Variants in TRIP11 observed in about 807,000 individuals in gnomAD.
TRIP11 encodes the protein thyroid hormone receptor interactor 11.
In TRIP11, 148 loss-of-function variants were observed where a neutral mutation model predicts 223.1. The observed-to-expected ratio is 0.66, with a 90% CI of 0.58 to 0.76. TRIP11 has a LOEUF of 0.76. TRIP11 is among the 30% of genes least tolerant of loss of function. The pLI is 0.00. For missense variants in TRIP11, 2,043 were observed against 2,222.0 expected (o/e 0.92, Z 1.62); for synonymous variants, 762 against 772.6 (o/e 0.99, Z 0.23).
Position 92,000,096 on chromosome 14 carries a change from CT to C in TRIP11, c.4569del (p.Glu1524SerfsTer2). On this transcript the variant is annotated frameshift_variant, in exon 12 of 21. Coordinates refer to ENST00000267622, the MANE Select transcript of TRIP11 (RefSeq NM_004239.4). LOFTEE classifies it high-confidence loss of function. ...ACTGCATTTAAAAGCTGATTTAACT[CT>C]CCAGTCTTGCCCTTTTGGAAAGAAA... ...LLKEKEQGKT[G>X]ELNQLLNAVK... 1 of 1,613,888 alleles carries C rather than the reference CT, an allele frequency of 6.2e-7. No homozygotes were observed. Among genetic ancestry groups the C allele is most frequent in the Non-Finnish European group, 8.5e-7 (1 of 1,179,934 alleles).
In TRIP11 at chr14:91,995,398, A is replaced by G. The variant is rs149334552; in HGVS notation, c.5010T>C (p.Ala1670=). The change falls in exon 14 of 21, where the codon GCT becomes GCC. Residue 1670 remains alanine, a synonymous_variant. Coordinates refer to ENST00000267622, the MANE Select transcript of TRIP11 (RefSeq NM_004239.4). Reference sequence around the variant, plus strand: ...CCATCTGCAGGTTGGCCAGTGACAGAGCATACTGCTTTACTTGTTCCTGAG... The same window carrying G: ...CCATCTGCAGGTTGGCCAGTGACAGGGCATACTGCTTTACTTGTTCCTGAG... ...SVSQEQVKQY[A]LSLANLQMVL... 1.7e-4 allele frequency: 273 copies of G among 1,614,088 alleles called. 2 individuals are homozygous for G. In the African/African-American group the frequency reaches 3.2e-3, roughly 19 times the overall value.
Position 92,037,914 on chromosome 14 carries a change from G to T in TRIP11, c.139+1633C>A, listed in dbSNP as rs1361300151. On this transcript the variant is annotated intron_variant, in intron 1 of 20. Coordinates refer to ENST00000267622, the MANE Select transcript of TRIP11 (RefSeq NM_004239.4). This position sits in a 1 kb window ranked among gnomAD's most constrained non-coding sequence, Gnocchi z 4.2. ...GGATTTTATTCTGTAACAGGGTCAA[G>T]AAATTTTTACGCAGGTTTGTTTTTA... Among the ~76,000 whole-genome samples, 2 of 152,154 alleles carry T rather than the reference G, an allele frequency of 1.3e-5. No homozygotes were observed. The highest frequency in any genetic ancestry group is 3.9e-4 in the East Asian group (2 of 5,192).
At position 92,001,767 on chromosome 14, in the gene TRIP11, T is replaced by C. The variant is rs144966613; in HGVS notation, c.4557+1652A>G. On this transcript the variant is annotated intron_variant, in intron 11 of 20. Coordinates refer to ENST00000267622, the MANE Select transcript of TRIP11 (RefSeq NM_004239.4). ...ACTTTATTCCTCTGTTCTACTCTTA[T>C]AACCTTAAGAAGCTAGAGCCAATTT... is the stretch of plus-strand genomic sequence containing the variant. 3.8e-3 allele frequency among the ~76,000 whole-genome samples: 574 copies of C among 152,332 alleles called. 4 individuals carry two copies. Among genetic ancestry groups the C allele is most frequent in the Admixed American group, 6.3e-3 (97 of 15,298 alleles).
Position 91,968,392 on chromosome 14 carries a change from A to C in TRIP11, c.*1281T>G, listed in dbSNP as rs545076255. On this transcript the variant is annotated 3_prime_UTR_variant, in exon 21 of 21. Coordinates refer to ENST00000267622, the MANE Select transcript of TRIP11 (RefSeq NM_004239.4). ...AGAAATACTTTCTTAAGTTTCAAAC[A>C]TCTGGGTACTGGTGCTATCAAAGTG... is the stretch of plus-strand genomic sequence containing the variant. 4.8e-6 allele frequency: 1 copy of C among 207,132 alleles called. No individual in the cohort carries two copies. Among genetic ancestry groups the C allele is most frequent in the Non-Finnish European group, 9.8e-6 (1 of 101,760 alleles). 12.8% of individuals were successfully genotyped at this position (207,132 alleles called of 1,614,324 possible).
At chr14:92,039,485 G>C (rs1173516733) in intron 1 of TRIP11, 62 bp downstream of exon 1, 30 of 1,584,360 alleles carry the variant, frequency 1.9e-5, no homozygotes, top group Non-Finnish European at 2.4e-5. Flanking sequence ...ATGGAAGTAG[G>C]GACCAAACGG....
chr14:92,028,078 A>G (rs984531207), intron 2 of TRIP11, among the ~76,000 whole-genome samples: 1 of 152,220 alleles, frequency 6.6e-6, no homozygotes, highest in Non-Finnish European at 1.5e-5. Flanking sequence ...CACCATACAT[A>G]ACTCAGCGAT....
intron 14 of TRIP11, among the ~76,000 whole-genome samples, chr14:91,994,765 A>G (rs2056727013): frequency 6.6e-6 from 1 of 152,230 alleles, no homozygotes; most frequent in Non-Finnish European, 1.5e-5. Context: ...AAATGTAAGG[A>G]TAGGAGGTAG....
At chr14:92,025,997 G>GA (rs1320158223) in intron 2 of TRIP11, among the ~76,000 whole-genome samples, 6 of 152,048 alleles carry the variant, frequency 3.9e-5, no homozygotes, top group African/African-American at 1.5e-4. Flanking sequence ...AAAAGGCCAC[G>GA]AATCAATGTT....
At chr14:92,016,107 C>T (rs949696776) in intron 5 of TRIP11, among the ~76,000 whole-genome samples, 4 of 152,230 alleles carry the variant, frequency 2.6e-5, no homozygotes, top group Non-Finnish European at 5.9e-5. Context: ...AAGGCTAAAA[C>T]AAACGATAAG....
intron 5 of TRIP11, among the ~76,000 whole-genome samples, chr14:92,016,687 G>C (rs958316474): frequency 6.6e-6 from 1 of 151,980 alleles, no homozygotes; most frequent in African/African-American, 2.4e-5. Flanking sequence ...GCCACCACTG[G>C]GCTAAGAGCT....
intron 7 of TRIP11, among the ~76,000 whole-genome samples, chr14:92,012,016 G>T (rs2056979676): frequency 6.6e-6 from 1 of 151,762 alleles, no homozygotes. Context: ...CAAGTCTATG[G>T]ATAAGCATAA....
chr14:92,026,922 G>A, intron 2 of TRIP11: 1 of 1,377,426 alleles, frequency 7.3e-7, no homozygotes, highest in Admixed American at 2.0e-5. Context: ...TAAAAAAAAG[G>A]CCGCCGCGAC....
At chr14:92,000,225 A>G (rs1256546643) in intron 11 of TRIP11, 117 bp from the exon 12 acceptor site, 7 of 1,477,550 alleles carry the variant, frequency 4.7e-6, no homozygotes. Flanking sequence ...CAGCCTCCCG[A>G]TTTACTCTCT....
chr14:91,993,256 C>A (rs6575224), intron 15 of TRIP11, among the ~76,000 whole-genome samples: 1,846 of 151,922 alleles, frequency 0.012, 40 homozygotes, highest in African/African-American at 0.041. Context: ...GTGGGCAGAT[C>A]ACCTGAGGTC....
At chr14:92,015,165 A>T (rs1447582168) in intron 6 of TRIP11, among the ~76,000 whole-genome samples, 4 of 152,234 alleles carry the variant, frequency 2.6e-5, no homozygotes, top group African/African-American at 9.6e-5. Flanking sequence ...TGGCCTCCCA[A>T]AATGCTGGGG....
At chr14:91,972,289 A>G (rs2056409562) in intron 20 of TRIP11, among the ~76,000 whole-genome samples, 1 of 152,216 alleles carries the variant, frequency 6.6e-6, no homozygotes, top group Admixed American at 6.5e-5. Flanking sequence ...TGTAGCACTT[A>G]AATTTTCAAA....
chr14:92,007,205 T>C (rs2056916350), intron 10 of TRIP11, among the ~76,000 whole-genome samples: 1 of 151,968 alleles, frequency 6.6e-6, no homozygotes, highest in Non-Finnish European at 1.5e-5. Flanking sequence ...TTTGTATTTT[T>C]AGTAGAGACG....
chr14:92,033,353 T>A, intron 1 of TRIP11, 100 bp from the exon 2 acceptor site: 1 of 929,554 alleles, frequency 1.1e-6, no homozygotes, highest in South Asian at 1.4e-5. Flanking sequence ...TTACACAGAA[T>A]AGTAGGCTGA....
In TRIP11 at chr14:92,020,780, T is replaced by C. The variant is rs372940356; in HGVS notation, c.588+776A>G. On this transcript the variant is annotated intron_variant, in intron 4 of 20. Transcript: ENST00000267622. The stretch of plus-strand genomic sequence containing the variant: ...AGGACCAAAATCACTTAGAAAGTCA[T>C]TGGCAGAGAGGCCAGGCGCAGTGGC... Among the ~76,000 whole-genome samples the C allele has an allele frequency of 3.3e-5, 5 of 152,062 alleles. No homozygotes were observed. The East Asian group carries it at 5.8e-4, about 18-fold the overall frequency.
Sources: allele counts gnomAD v4.1 joint callset (sites outside exome capture counted in the v4.1 genomes callset), GRCh38; gene constraint gnomAD v4.1.1; non-coding constraint Gnocchi (gnomAD v3.1); transcripts MANE v1.5; gene names NCBI Gene and HGNC (gene_info 2026-07-23, HGNC 2026-07-21).